TENM3: variants seen among roughly 807,000 people sequenced by gnomAD.
TENM3 encodes the protein teneurin-3.
In TENM3, 63 loss-of-function variants were observed where a neutral mutation model predicts 255.1. The ratio of observed to expected loss-of-function variants is 0.25; its 90% CI spans 0.20 to 0.30. TENM3 has a LOEUF of 0.30. TENM3 is among the 10% of genes least tolerant of loss of function. TENM3 has a pLI of 1.00. For synonymous variants in TENM3, 1,306 were observed against 1,322.3 expected (o/e 0.99, Z 0.27); for missense variants, 2,929 against 3,461.1 (o/e 0.85, Z 3.86).
At chr4:181,523,308 T>A in the TENM3 span, among the ~76,000 whole-genome samples, 8 of 152,132 alleles carry the variant, frequency 5.3e-5, no homozygotes, top group African/African-American at 1.9e-4. Context: ...GCTTCCACAG[T>A]AGAGTTTGAA....
At chr4:181,838,541 A>G in the TENM3 span, among the ~76,000 whole-genome samples, 1 of 152,214 alleles carries the variant, frequency 6.6e-6, no homozygotes, top group African/African-American at 2.4e-5. Flanking sequence ...AACTTGTAAA[A>G]AAGACTAGGC....
the TENM3 span, among the ~76,000 whole-genome samples, chr4:182,025,642 A>T: frequency 6.6e-6 from 1 of 152,048 alleles, no homozygotes; most frequent in East Asian, 1.9e-4. Context: ...TCCCACCAAC[A>T]GTTTACAAGG....
rs749252997 is a variant in TENM3, at chr4:182,789,321, G to A, written c.5533G>A (p.Gly1845Arg). 20 of 1,613,722 alleles carry A rather than the reference G, an allele frequency of 1.2e-5. No individual in the cohort carries two copies. The highest frequency in any genetic ancestry group is 6.7e-5 in the East Asian group (3 of 44,896). The change falls in exon 25 of 28, where the codon GGA (glycine) becomes AGA (arginine). Residue 1845 changes from glycine (G) to arginine (R), a missense_variant. Gly to Arg is a moderately radical substitution (Grantham distance 125). Coordinates refer to ENST00000511685, the MANE Select transcript of TENM3 (RefSeq NM_001080477.4). The surrounding 1 kb of genome is among the most constrained non-coding windows in gnomAD (Gnocchi z 4.4). The part of the protein sequence containing the change: ...GTTSEKVDYD[G>R]QGRIVSRVFA... ...CACTAGCGAGAAAGTAGATTATGACGGACAGGGGAGGATCGTGTCTCGGGT... is the reference window on the plus strand; with the variant it reads ...CACTAGCGAGAAAGTAGATTATGACAGACAGGGGAGGATCGTGTCTCGGGT...
intron 3 of TENM3, among the ~76,000 whole-genome samples, chr4:182,509,607 A>G (rs2151707404): frequency 6.6e-6 from 1 of 152,288 alleles, no homozygotes; most frequent in Middle Eastern, 3.4e-3. Context: ...CGTGTCTAAG[A>G]ACAAGAAGGA....
chr4:182,134,469 A>G, the TENM3 span, among the ~76,000 whole-genome samples: 1 of 152,026 alleles, frequency 6.6e-6, no homozygotes, highest in Non-Finnish European at 1.5e-5. Context: ...CTCCCTCTTT[A>G]TAGACTCTTA....
chr4:181,929,667 C>T, the TENM3 span, among the ~76,000 whole-genome samples: 1 of 151,804 alleles, frequency 6.6e-6, no homozygotes, highest in African/African-American at 2.4e-5. Flanking sequence ...GAACTCAGCT[C>T]CTACCAAGTG....
At chr4:182,154,284 A>C (rs1433654070) in intron 1 of TENM3, among the ~76,000 whole-genome samples, 1 of 152,074 alleles carries the variant, frequency 6.6e-6, no homozygotes, top group African/African-American at 2.4e-5. Flanking sequence ...TACTTTTAAA[A>C]GAATAGCCCA....
chr4:181,461,268 C>T, the TENM3 span, among the ~76,000 whole-genome samples: 3 of 152,042 alleles, frequency 2.0e-5, no homozygotes, highest in Non-Finnish European at 4.4e-5. Flanking sequence ...TCTTCTGCTA[C>T]ACCTGTGTGT....
At chr4:181,992,818 TAAAAAC>T in the TENM3 span, among the ~76,000 whole-genome samples, 1 of 152,070 alleles carries the variant, frequency 6.6e-6, no homozygotes, top group Non-Finnish European at 1.5e-5. Context: ...ACCTGTTTTT[TAAAAAC>T]AAAAATATCC....
chr4:181,501,586 G>A, the TENM3 span, among the ~76,000 whole-genome samples: 7 of 152,036 alleles, frequency 4.6e-5, no homozygotes, highest in South Asian at 2.1e-4. Context: ...CACTAGGTTG[G>A]CCAGGCTGCT....
At chr4:181,569,197 A>C in the TENM3 span, among the ~76,000 whole-genome samples, 4 of 152,214 alleles carry the variant, frequency 2.6e-5, no homozygotes, top group African/African-American at 9.6e-5. Context: ...AACAAATGTG[A>C]GGTCTCCCTG....
chr4:181,814,059 C>T, the TENM3 span, among the ~76,000 whole-genome samples: 1 of 152,100 alleles, frequency 6.6e-6, no homozygotes, highest in African/African-American at 2.4e-5. Flanking sequence ...TCAATGATTA[C>T]ACTATCTACG....
rs185896497 is a variant in TENM3, at chr4:182,306,992, A to T, written c.-75-16954A>T. ...AAGTCTCATTTACATCACAGCAATT[A>T]AAATATATTCCACATTACACGTTTA... On this transcript the variant is annotated intron_variant, in intron 1 of 27. Coordinates refer to ENST00000511685, the MANE Select transcript of TENM3 (RefSeq NM_001080477.4). Among the ~76,000 whole-genome samples the T allele has an allele frequency of 1.3e-4, 20 of 152,352 alleles. No homozygotes were observed. The East Asian group carries it at 2.9e-3, about 22-fold the overall frequency.
At chr4:182,444,504 T>C (rs1772749723) in intron 3 of TENM3, among the ~76,000 whole-genome samples, 1 of 152,176 alleles carries the variant, frequency 6.6e-6, no homozygotes, top group Non-Finnish European at 1.5e-5. Context: ...GACAGACATA[T>C]ATTGACCTAC....
chr4:182,224,373 T>C (rs1445193629), intron 1 of TENM3, among the ~76,000 whole-genome samples: 1 of 152,188 alleles, frequency 6.6e-6, no homozygotes, highest in Non-Finnish European at 1.5e-5. Flanking sequence ...GAAAATTCTT[T>C]TCCTGGCATG....
the TENM3 span, among the ~76,000 whole-genome samples, chr4:181,709,968 C>A: frequency 6.6e-6 from 1 of 152,064 alleles, no homozygotes; most frequent in African/African-American, 2.4e-5. Flanking sequence ...GTGGATGGAG[C>A]AGGAAGAATC....
chr4:182,185,270 G>A (rs1228377643), intron 1 of TENM3, among the ~76,000 whole-genome samples: 3 of 151,900 alleles, frequency 2.0e-5, no homozygotes, highest in Non-Finnish European at 2.9e-5. Context: ...TGCCATCTTC[G>A]GCTTCTGATC....
At chr4:182,555,029 T>C (rs1742443149) in intron 3 of TENM3, among the ~76,000 whole-genome samples, 1 of 152,268 alleles carries the variant, frequency 6.6e-6, no homozygotes, top group African/African-American at 2.4e-5. Context: ...TAATATTCCT[T>C]GTCTTCCAAA....
chr4:182,579,684 T>A (rs1166024034), intron 3 of TENM3, among the ~76,000 whole-genome samples: 2 of 143,194 alleles, frequency 1.4e-5, no homozygotes, highest in African/African-American at 2.7e-5. Flanking sequence ...TTTGAAATTA[T>A]TTCCACAAAT....
Sources: allele counts gnomAD v4.1 joint callset (sites outside exome capture counted in the v4.1 genomes callset), GRCh38; gene constraint gnomAD v4.1.1; non-coding constraint Gnocchi (gnomAD v3.1); transcripts MANE v1.5; gene names NCBI Gene and HGNC (gene_info 2026-07-23, HGNC 2026-07-21).